Variants in USH2A observed in about 807,000 individuals in gnomAD.
USH2A encodes the protein Usher syndrome 2A (autosomal recessive, mild).
In USH2A, 443 loss-of-function variants were observed where a neutral mutation model predicts 538.9. The observed-to-expected ratio is 0.82, with a 90% CI of 0.76 to 0.89. The LOEUF is 0.89. USH2A is among the 40% of genes least tolerant of loss of function. USH2A has a pLI of 0.00. For missense variants in USH2A, 6,633 were observed against 6,324.8 expected, an observed-to-expected ratio of 1.05 and a Z score of -1.65; for synonymous variants, 2,413 against 2,273.5, an observed-to-expected ratio of 1.06 and a Z score of -1.75.
intron 3 of USH2A, among the ~76,000 whole-genome samples, chr1:216,393,142 A>G (rs534405436): frequency 3.9e-4 from 59 of 152,320 alleles, no homozygotes; most frequent in Non-Finnish European, 6.6e-4. Context: ...CACATGTATT[A>G]TCAGAAGAAA....
chr1:216,093,026 C>T (rs990104850), intron 22 of USH2A, among the ~76,000 whole-genome samples: 11 of 151,884 alleles, frequency 7.2e-5, no homozygotes, highest in South Asian at 2.1e-4. Flanking sequence ...AGTGCAGTGG[C>T]TCAGTCTCGG....
intron 16 of USH2A, among the ~76,000 whole-genome samples, chr1:216,201,058 G>T (rs897579226): frequency 1.6e-5 from 2 of 127,542 alleles, no homozygotes; most frequent in Non-Finnish European, 3.3e-5. Context: ...CCTTCCTTCC[G>T]ACAGGAGATA....
At chr1:215,765,831 A>G (rs1443692498) in intron 56 of USH2A, among the ~76,000 whole-genome samples, 2 of 152,158 alleles carry the variant, frequency 1.3e-5, no homozygotes, top group African/African-American at 4.8e-5. Flanking sequence ...ATACTGGTGC[A>G]TGGAATTCCA....
chr1:215,909,390 C>T (rs888529774), intron 38 of USH2A, among the ~76,000 whole-genome samples: 1 of 151,872 alleles, frequency 6.6e-6, no homozygotes, highest in Middle Eastern at 3.4e-3. Flanking sequence ...TATATATTAG[C>T]CTAAAGCCAT....
At chr1:216,367,961 A>G (rs2102712689) in intron 3 of USH2A, among the ~76,000 whole-genome samples, 1 of 152,324 alleles carries the variant, frequency 6.6e-6, no homozygotes, top group Non-Finnish European at 1.5e-5. Context: ...TGAGGACAAG[A>G]GGAGCTCGTG....
intron 69 of USH2A, 72 bp from the exon 70 acceptor site, chr1:215,634,775 T>C: frequency 1.9e-6 from 3 of 1,612,146 alleles, no homozygotes; most frequent in Non-Finnish European, 2.5e-6. Context: ...GCCCTGCTAT[T>C]TGATAGTAAA....
At chr1:216,254,816 G>A (rs2036229745) in intron 11 of USH2A, among the ~76,000 whole-genome samples, 1 of 152,164 alleles carries the variant, frequency 6.6e-6, no homozygotes, top group Non-Finnish European at 1.5e-5. Context: ...ACAAGCCAGT[G>A]CACACCAGCA....
chr1:215,939,813 A>G (rs74141467), intron 37 of USH2A, among the ~76,000 whole-genome samples: 1,964 of 152,144 alleles, frequency 0.013, 48 homozygotes, highest in African/African-American at 0.045. Context: ...TCAATATTCT[A>G]TAATTTGACT....
intron 62 of USH2A, among the ~76,000 whole-genome samples, chr1:215,678,080 G>A (rs538572427): frequency 1.3e-5 from 2 of 152,156 alleles, no homozygotes; most frequent in South Asian, 4.2e-4. Flanking sequence ...TTCACCTATA[G>A]TGCATGATTT....
intron 29 of USH2A, 63 bp from the exon 30 acceptor site, chr1:216,070,355 T>A (rs1302890694): frequency 6.7e-7 from 1 of 1,494,850 alleles, no homozygotes; most frequent in Non-Finnish European, 9.3e-7. Context: ...TTGCTCCTAT[T>A]CTTCACTTTT....
At chr1:216,295,427 G>A (rs2037085419) in intron 9 of USH2A, among the ~76,000 whole-genome samples, 1 of 151,638 alleles carries the variant, frequency 6.6e-6, no homozygotes, top group African/African-American at 2.4e-5. Flanking sequence ...GTTTGATAAA[G>A]ACTTTTATTA....
chr1:216,059,764 T>A (rs1230298305), intron 30 of USH2A, among the ~76,000 whole-genome samples: 1 of 152,154 alleles, frequency 6.6e-6, no homozygotes, highest in Non-Finnish European at 1.5e-5. Context: ...TTTATTTTAC[T>A]GTTTTTTCTT....
intron 47 of USH2A, among the ~76,000 whole-genome samples, chr1:215,827,203 C>A (rs192895383): frequency 6.6e-6 from 1 of 152,012 alleles, no homozygotes; most frequent in Non-Finnish European, 1.5e-5. Context: ...GAGTCTTTTT[C>A]CTGAGGACAC....
At chr1:215,685,361 T>G (rs1273161836) in intron 61 of USH2A, among the ~76,000 whole-genome samples, 1 of 151,640 alleles carries the variant, frequency 6.6e-6, no homozygotes, top group African/African-American at 2.4e-5. Context: ...GTTGTTTTTT[T>G]TTTTGAGATG....
intron 55 of USH2A, among the ~76,000 whole-genome samples, chr1:215,773,331 G>C (rs1343647634): frequency 6.6e-6 from 1 of 152,008 alleles, no homozygotes; most frequent in Non-Finnish European, 1.5e-5. Flanking sequence ...AATAAGATTA[G>C]GGTGGGGTGA....
intron 3 of USH2A, among the ~76,000 whole-genome samples, chr1:216,392,373 G>A (rs1259055784): frequency 3.3e-5 from 5 of 151,152 alleles, no homozygotes; most frequent in African/African-American, 1.2e-4. Flanking sequence ...GGTGGCAGGC[G>A]CCTGTAGTCC....
chr1:215,773,101 A>G (rs1479665967), intron 55 of USH2A, among the ~76,000 whole-genome samples: 1 of 152,152 alleles, frequency 6.6e-6, no homozygotes. Flanking sequence ...TTTTCTTTTT[A>G]GTAAAAAGCC....
Position 216,196,720 on chromosome 1 carries a change from G to A in USH2A, c.4084C>T (p.Pro1362Ser). The change falls in exon 19 of 72, where the codon CCT becomes TCT. Residue 1362 changes from proline to serine, a missense_variant and splice_region_variant. Coordinates refer to ENST00000307340, the MANE Select transcript of USH2A (RefSeq NM_206933.4). The part of the protein sequence containing the change: ...WVSERTGESA[P>S]VFMIPPSVFP... ...ACTGAAGGAGGGATCATGAATACAG[G>A]TGCTATCAATGAGAACAATAACAAT... The A allele has an allele frequency of 1.2e-6, 2 of 1,612,664 alleles. No homozygotes were observed. The highest frequency in any genetic ancestry group is 1.7e-6 in the Non-Finnish European group (2 of 1,179,270).
intron 38 of USH2A, among the ~76,000 whole-genome samples, chr1:215,929,568 A>C (rs994211472): frequency 6.6e-6 from 1 of 152,006 alleles, no homozygotes; most frequent in Non-Finnish European, 1.5e-5. Flanking sequence ...TACTTTTTCT[A>C]TAGGGCATTT....
Sources: allele counts gnomAD v4.1 joint callset (sites outside exome capture counted in the v4.1 genomes callset), GRCh38; gene constraint gnomAD v4.1.1; transcripts MANE v1.5; gene names NCBI Gene and HGNC (gene_info 2026-07-23, HGNC 2026-07-21).